Variants in HMGA2 observed in about 807,000 individuals in gnomAD.
The protein encoded by HMGA2 is high mobility group protein HMGI-C.
In HMGA2, 8 loss-of-function variants were observed where a neutral mutation model predicts 19.1. The ratio of observed to expected loss-of-function variants is 0.42; its 90% CI spans 0.25 to 0.76. The LOEUF is 0.76. Ranked by LOEUF, HMGA2 falls within the 30% of genes least tolerant of loss-of-function variation. HMGA2 has a pLI of 0.28. For synonymous variants in HMGA2, 60 were observed against 48.8 expected (o/e 1.23, Z -0.96); for missense variants, 109 against 136.3 (o/e 0.80, Z 1.00).
chr12:65,895,291 A>G (rs1235901374), intron 3 of HMGA2, among the ~76,000 whole-genome samples: 1 of 152,192 alleles, frequency 6.6e-6, no homozygotes, highest in African/African-American at 2.4e-5. Context: ...TATTACACTT[A>G]GGGGCACATT....
At chr12:65,838,405 A>C in intron 2 of HMGA2, 114 bp from the exon 3 acceptor site, 1 of 775,354 alleles carries the variant, frequency 1.3e-6, no homozygotes, top group South Asian at 1.7e-5. Context: ...AAAAAAAAAA[A>C]ACCGATACGT....
chr12:65,947,986 T>C (rs1565740447), intron 3 of HMGA2, among the ~76,000 whole-genome samples: 1 of 152,154 alleles, frequency 6.6e-6, no homozygotes, highest in Non-Finnish European at 1.5e-5. Flanking sequence ...GACTTTTTTC[T>C]TTTTTCTTTT....
Position 65,857,786 on chromosome 12 carries a change from A to AATG in HMGA2, c.249+19218_249+19220dup, listed in dbSNP as rs1243261694. ...GTGATTCCAAACCTCCCTTTAAATTAATGTCTTTTAGCTTCAAATATACCT... is the reference window on the plus strand; with the variant it reads ...GTGATTCCAAACCTCCCTTTAAATTAATGATGTCTTTTAGCTTCAAATATACCT... On this transcript the variant is annotated intron_variant, in intron 3 of 4. Coordinates refer to ENST00000403681, the MANE Select transcript of HMGA2 (RefSeq NM_003483.6). 14 of 152,320 alleles carry AATG rather than the reference A, an allele frequency of 9.2e-5. No individual in the cohort carries two copies. In the East Asian group the frequency reaches 2.3e-3, roughly 25 times the overall value. 9.4% of individuals were successfully genotyped at this position (152,320 alleles called of 1,614,324 possible). A position where few individuals can be genotyped will look rare whatever the true frequency, so the allele number is the denominator to read the frequency against.
chr12:65,842,227 A>C, intron 3 of HMGA2: 1 of 656,674 alleles, frequency 1.5e-6, no homozygotes, highest in South Asian at 1.5e-5. Context: ...CATGACCTTT[A>C]AAGGTCCAGT....
intron 2 of HMGA2, among the ~76,000 whole-genome samples, chr12:65,830,367 T>C (rs1870427184): frequency 6.6e-6 from 1 of 151,982 alleles, no homozygotes; most frequent in African/African-American, 2.4e-5. Flanking sequence ...GATTTTGCAA[T>C]GCAAATCTTT....
intron 3 of HMGA2, among the ~76,000 whole-genome samples, chr12:65,885,649 G>A (rs1873625563): frequency 6.6e-6 from 1 of 152,116 alleles, no homozygotes; most frequent in African/African-American, 2.4e-5. Flanking sequence ...GTGGCAGCAG[G>A]ATCGCTCATG....
At chr12:65,902,246 G>A (rs1257636214) in intron 3 of HMGA2, among the ~76,000 whole-genome samples, 2 of 152,004 alleles carry the variant, frequency 1.3e-5, no homozygotes, top group Non-Finnish European at 2.9e-5. Context: ...TGTGAAGACC[G>A]TTGATCATCT....
At chr12:65,861,901 A>G (rs964631734) in intron 3 of HMGA2, among the ~76,000 whole-genome samples, 1 of 151,014 alleles carries the variant, frequency 6.6e-6, no homozygotes, top group Non-Finnish European at 1.5e-5. Flanking sequence ...CTGGAGCGCA[A>G]TGGCGCGATC....
At chr12:65,939,529 T>C (rs1876014765) in intron 3 of HMGA2, among the ~76,000 whole-genome samples, 3 of 152,096 alleles carry the variant, frequency 2.0e-5, no homozygotes, top group Admixed American at 2.0e-4. Flanking sequence ...CTAATTTTTG[T>C]ACTTTTAGTA....
chr12:65,882,423 G>A (rs1171897669), intron 3 of HMGA2, among the ~76,000 whole-genome samples: 12 of 152,200 alleles, frequency 7.9e-5, no homozygotes, highest in Admixed American at 6.5e-5. Context: ...CCCGCCCTGG[G>A]AAGCTGCCGC....
At chr12:65,929,416 C>A (rs1944073284) in intron 3 of HMGA2, among the ~76,000 whole-genome samples, 1 of 151,118 alleles carries the variant, frequency 6.6e-6, no homozygotes, top group African/African-American at 2.4e-5. Flanking sequence ...AAAAAAGTAT[C>A]GACTTGATAT....
intron 3 of HMGA2, among the ~76,000 whole-genome samples, chr12:65,941,406 G>A (rs1439345971): frequency 4.6e-5 from 7 of 152,150 alleles, no homozygotes; most frequent in Non-Finnish European, 8.8e-5. Flanking sequence ...GTTTAAAAAC[G>A]TTAAGGATAT....
intron 4 of HMGA2, among the ~76,000 whole-genome samples, chr12:65,960,454 G>A (rs373649452): frequency 1.3e-5 from 2 of 152,130 alleles, no homozygotes; most frequent in Non-Finnish European, 1.5e-5. Flanking sequence ...CACACTTGTC[G>A]TACAGAATCC....
intron 3 of HMGA2, among the ~76,000 whole-genome samples, chr12:65,914,067 T>C (rs911808332): frequency 3.2e-4 from 49 of 152,178 alleles, no homozygotes; most frequent in Non-Finnish European, 4.3e-4. Flanking sequence ...AGTTCAACCA[T>C]TGTGGAAGTC....
chr12:65,842,920 T>G, intron 3 of HMGA2: 1 of 1,171,788 alleles, frequency 8.5e-7, no homozygotes, highest in Non-Finnish European at 1.1e-6. Flanking sequence ...GTTAACCTCA[T>G]GTATAAAATC....
intron 3 of HMGA2, among the ~76,000 whole-genome samples, chr12:65,937,857 G>A (rs1001166523): frequency 2.0e-5 from 3 of 152,190 alleles, no homozygotes; most frequent in African/African-American, 4.8e-5. Flanking sequence ...TCAAGAGGGC[G>A]CTTCTTACCA....
intron 3 of HMGA2, among the ~76,000 whole-genome samples, chr12:65,890,555 A>G (rs1873858208): frequency 6.6e-6 from 1 of 152,066 alleles, no homozygotes; most frequent in Admixed American, 6.6e-5. Context: ...AAGCTATACT[A>G]CACAATTGAC....
chr12:65,842,018 G>T, intron 3 of HMGA2: 39 of 1,079,704 alleles, frequency 3.6e-5, no homozygotes, highest in East Asian at 6.2e-5. Context: ...CCCCTAGTTT[G>T]AACTGGATTT....
chr12:65,946,345 CA>C (rs901458591), intron 3 of HMGA2, among the ~76,000 whole-genome samples: 5 of 152,068 alleles, frequency 3.3e-5, no homozygotes, highest in African/African-American at 1.2e-4. Flanking sequence ...TGGCAAGAAG[CA>C]AAGGATCTAA....
Sources: allele counts gnomAD v4.1 joint callset (sites outside exome capture counted in the v4.1 genomes callset), GRCh38; gene constraint gnomAD v4.1.1; transcripts MANE v1.5; gene names NCBI Gene and HGNC (gene_info 2026-07-23, HGNC 2026-07-21).